ASCC3: variants seen among roughly 807,000 people sequenced by gnomAD.
ASCC3 encodes activating signal cointegrator 1 complex subunit 3.
ASCC3 carries 158 observed loss-of-function variants against 256.3 expected under a neutral mutation model. That is an observed-to-expected ratio of 0.62 (90% confidence interval 0.54 to 0.70). The LOEUF is 0.70. ASCC3 is among the 30% of genes least tolerant of loss of function. ASCC3 has a pLI of 0.00. For missense variants in ASCC3, 2,259 were observed against 2,626.0 expected, an observed-to-expected ratio of 0.86 and a Z score of 3.05; for synonymous variants, 948 against 883.4, an observed-to-expected ratio of 1.07 and a Z score of -1.30.
intron 29 of ASCC3, among the ~76,000 whole-genome samples, chr6:100,627,271 A>T (rs1774287907): frequency 6.6e-6 from 1 of 152,094 alleles, no homozygotes; most frequent in African/African-American, 2.4e-5. Flanking sequence ...GATGTTTTTG[A>T]CCTGTAGCTT....
intron 3 of ASCC3, among the ~76,000 whole-genome samples, chr6:100,849,361 A>G (rs1467664541): frequency 6.6e-6 from 1 of 152,172 alleles, no homozygotes; most frequent in Admixed American, 6.5e-5. Context: ...AGTTAAATAA[A>G]CCAAAGTAAG....
intron 36 of ASCC3, among the ~76,000 whole-genome samples, chr6:100,586,159 T>C (rs962893646): frequency 6.6e-6 from 1 of 152,202 alleles, no homozygotes; most frequent in African/African-American, 2.4e-5. Context: ...TGCTATCTTT[T>C]TGTTTGTCTG....
intron 4 of ASCC3, among the ~76,000 whole-genome samples, chr6:100,811,609 A>C (rs549789340): frequency 2.9e-4 from 44 of 152,254 alleles, no homozygotes; most frequent in African/African-American, 9.9e-4. Flanking sequence ...CAAGAGAAAG[A>C]AAAAACCTCG....
chr6:100,877,468 T>A (rs905372430), intron 1 of ASCC3, among the ~76,000 whole-genome samples: 19 of 152,226 alleles, frequency 1.2e-4, no homozygotes. Flanking sequence ...AGTTGTGATA[T>A]TGTTAACATT....
rs79676450 is a variant in ASCC3, at chr6:100,638,577, G to A, written c.4122+24C>T. On this transcript the variant is annotated intron_variant, in intron 25 of 41. Transcript: ENST00000369162. ...TATGAACTGTCTTTTCTAATTAAAT[G>A]TAAGTATGATTCTTTCAACAGACCT... is the stretch of plus-strand genomic sequence containing the variant. The A allele has an allele frequency of 2.7e-5, 41 of 1,544,044 alleles. No individual in the cohort carries two copies. In the East Asian group the frequency reaches 9.0e-4, roughly 34 times the overall value.
At chr6:100,832,081 A>G (rs1331590901) in intron 4 of ASCC3, among the ~76,000 whole-genome samples, 1 of 152,166 alleles carries the variant, frequency 6.6e-6, no homozygotes, top group Non-Finnish European at 1.5e-5. Flanking sequence ...AGAGGTTCCA[A>G]TATATCTCTG....
At chr6:100,655,078 A>T (rs1775852918) in intron 17 of ASCC3, among the ~76,000 whole-genome samples, 1 of 151,950 alleles carries the variant, frequency 6.6e-6, no homozygotes, top group South Asian at 2.1e-4. Flanking sequence ...TGCAATTAGG[A>T]CACATTTACA....
chr6:100,608,069 T>TATATATGTATATATATCTATATAC (rs1773008069), intron 30 of ASCC3, among the ~76,000 whole-genome samples: 1 of 92,200 alleles, frequency 1.1e-5, no homozygotes, highest in Admixed American at 1.5e-4. Flanking sequence ...CACATATATA[T>TATATATGTATATATATCTATATAC]ACATATATAT....
chr6:100,665,969 ATAGT>A lies in ASCC3; in HGVS notation c.2287-3437_2287-3434del, dbSNP rs1157372252. Among the ~76,000 whole-genome samples, 3 of 152,224 alleles carry A rather than the reference ATAGT, an allele frequency of 2.0e-5. No individual in the cohort carries two copies. In the South Asian group the frequency reaches 6.2e-4, roughly 32 times the overall value. ...AAAAACCCCCTCATGCTATTTCTTT[ATAGT>A]TAAACTCTTCGCAACTACTACCACT... On this transcript the variant is annotated intron_variant, in intron 14 of 41. Transcript: ENST00000369162.
chr6:100,606,935 G>A lies in ASCC3; in HGVS notation c.4923+16C>T, dbSNP rs908129790. On this transcript the variant is annotated intron_variant, in intron 31 of 41. Coordinates refer to ENST00000369162, the MANE Select transcript of ASCC3 (RefSeq NM_006828.4). The stretch of plus-strand genomic sequence containing the variant: ...AGTTACATTTAAATATGTGTTCACT[G>A]GAGAAAAAAAAGTACCTGAACTTTA... 10 of 1,612,654 alleles carry A rather than the reference G, an allele frequency of 6.2e-6. No individual in the cohort carries two copies. The African/African-American group carries it at 9.4e-5, about 15-fold the overall frequency.
At chr6:100,853,999 A>G (rs1473304574) in intron 3 of ASCC3, among the ~76,000 whole-genome samples, 3 of 152,164 alleles carry the variant, frequency 2.0e-5, no homozygotes, top group Non-Finnish European at 4.4e-5. Flanking sequence ...TTCCCTCTAT[A>G]TATTCCTGTT....
intron 36 of ASCC3, among the ~76,000 whole-genome samples, chr6:100,588,877 A>C (rs1771842556): frequency 6.6e-6 from 1 of 152,144 alleles, no homozygotes; most frequent in Non-Finnish European, 1.5e-5. Flanking sequence ...TTAAAGACAG[A>C]ATGGTCCAAT....
chr6:100,541,740 G>C lies in ASCC3; in HGVS notation c.5551-1353C>G, dbSNP rs757876005. On this transcript the variant is annotated intron_variant, in intron 36 of 41. Transcript: ENST00000369162. Reference sequence around the variant, plus strand: ...TGATTATCAACTATGCAAAAAAACAGGAAAAGAGGATCTATAACAAGGAGA... The same window carrying C: ...TGATTATCAACTATGCAAAAAAACACGAAAAGAGGATCTATAACAAGGAGA... Among the ~76,000 whole-genome samples, 4 of 152,102 alleles carry C rather than the reference G, an allele frequency of 2.6e-5. 1 individual carries two copies. Among genetic ancestry groups the C allele is most frequent in the Admixed American group, 2.6e-4 (4 of 15,276 alleles).
chr6:100,776,111 C>T (rs1014074151), intron 8 of ASCC3, among the ~76,000 whole-genome samples: 1 of 152,058 alleles, frequency 6.6e-6, no homozygotes, highest in African/African-American at 2.4e-5. Flanking sequence ...ATTTCCTGCA[C>T]ACACAATACC....
At chr6:100,817,067 G>T (rs374574300) in intron 4 of ASCC3, among the ~76,000 whole-genome samples, 2 of 151,876 alleles carry the variant, frequency 1.3e-5, no homozygotes, top group African/African-American at 4.8e-5. Context: ...ACTTCTCCAG[G>T]ATAGATCATA....
intron 36 of ASCC3, among the ~76,000 whole-genome samples, chr6:100,589,337 A>G (rs1257150013): frequency 1.3e-5 from 2 of 152,164 alleles, no homozygotes; most frequent in African/African-American, 4.8e-5. Flanking sequence ...AGGCTATTAT[A>G]TTTAAGGATA....
chr6:100,636,170 T>C (rs1473162312), intron 25 of ASCC3, among the ~76,000 whole-genome samples: 2 of 152,184 alleles, frequency 1.3e-5, no homozygotes, highest in Non-Finnish European at 2.9e-5. Flanking sequence ...CAACCCCACA[T>C]CGAGCAATTC....
At chr6:100,683,547 T>C (rs1006211319) in intron 13 of ASCC3, among the ~76,000 whole-genome samples, 5 of 152,132 alleles carry the variant, frequency 3.3e-5, no homozygotes, top group Non-Finnish European at 7.4e-5. Flanking sequence ...ATTTTATGGT[T>C]TGCTAATTTG....
intron 13 of ASCC3, among the ~76,000 whole-genome samples, chr6:100,706,014 C>CAT (rs1778564062): frequency 6.6e-6 from 1 of 151,868 alleles, no homozygotes; most frequent in South Asian, 2.1e-4. Flanking sequence ...TCTCTCTCTA[C>CAT]ATATATATAC....
Sources: allele counts gnomAD v4.1 joint callset (sites outside exome capture counted in the v4.1 genomes callset), GRCh38; gene constraint gnomAD v4.1.1; transcripts MANE v1.5; gene names NCBI Gene and HGNC (gene_info 2026-07-23, HGNC 2026-07-21).